Variants in DOT1L observed in about 807,000 individuals in gnomAD.
The protein encoded by DOT1L is histone-lysine N-methyltransferase, H3 lysine-79 specific.
A neutral mutation model predicts 153.3 loss-of-function variants in DOT1L; 33 were observed. The ratio of observed to expected loss-of-function variants is 0.22; its 90% CI spans 0.16 to 0.29. The LOEUF (loss-of-function observed/expected upper bound fraction) is 0.29, where lower values mean the gene tolerates loss of function less well. Ranked by LOEUF, DOT1L falls within the 10% of genes least tolerant of loss-of-function variation. The pLI, the probability that DOT1L is intolerant of heterozygous loss-of-function variation, is 1.00. For missense variants in DOT1L, 1,847 were observed against 2,119.9 expected, an observed-to-expected ratio of 0.87 and a Z score of 2.53; for synonymous variants, 1,135 against 965.1, an observed-to-expected ratio of 1.18 and a Z score of -3.26.
At chr19:2,205,189 T>G (rs1361119527) in intron 9 of DOT1L, among the ~76,000 whole-genome samples, 7 of 152,128 alleles carry the variant, frequency 4.6e-5, no homozygotes. Context: ...GCCAGGATGG[T>G]CTCGATCTCC....
At position 2,197,437 on chromosome 19, in the gene DOT1L, G is replaced by A. The variant is rs116342488; in HGVS notation, c.652-2447G>A. On this transcript the variant is annotated intron_variant, in intron 7 of 27. Transcript: ENST00000398665. This position sits in a 1 kb window ranked among gnomAD's most constrained non-coding sequence, Gnocchi z 4.1. ...GGAGGGCGCCATGGTGCCTTCCTCCGCGCGGTCTGGCTGGGCTGAGCCTTG... is the reference window on the plus strand; with the variant it reads ...GGAGGGCGCCATGGTGCCTTCCTCCACGCGGTCTGGCTGGGCTGAGCCTTG... Among the ~76,000 whole-genome samples the A allele has an allele frequency of 1.0e-3, 154 of 152,322 alleles. No homozygotes were observed. The highest frequency in any genetic ancestry group is 3.3e-3 in the African/African-American group (139 of 41,574).
chr19:2,220,709 T>C lies in DOT1L; in HGVS notation c.2806+487T>C, dbSNP rs1331836427. The C allele has an allele frequency of 2.8e-6, 1 of 362,380 alleles. No individual in the cohort carries two copies. The highest frequency in any genetic ancestry group is 5.5e-6 in the Non-Finnish European group (1 of 181,908). 22.4% of individuals were successfully genotyped at this position (362,380 alleles called of 1,614,324 possible). Reference sequence around the variant, plus strand: ...AGAGAGGATGCCACTTTGGCTTTTGTTGACACTGCAGGCCTGTCTGTTGTG... The same window carrying C: ...AGAGAGGATGCCACTTTGGCTTTTGCTGACACTGCAGGCCTGTCTGTTGTG... On this transcript the variant is annotated intron_variant, in intron 23 of 27. Coordinates refer to ENST00000398665, the MANE Select transcript of DOT1L (RefSeq NM_032482.3). This position sits in a 1 kb window ranked among gnomAD's most constrained non-coding sequence, Gnocchi z 4.5.
intron 27 of DOT1L, chr19:2,228,281 G>A (rs752612802): frequency 2.9e-5 from 39 of 1,356,076 alleles, no homozygotes; most frequent in South Asian, 6.9e-5. Context: ...GGCCGTCCGC[G>A]GTGTGGGTGT....
In DOT1L at chr19:2,230,491, G is replaced by A; in HGVS notation, c.*699G>A. On this transcript the variant is annotated 3_prime_UTR_variant, in exon 28 of 28. Transcript: ENST00000398665. The stretch of plus-strand genomic sequence containing the variant: ...GCAGCTGGCCATGTGCTGCGCGATG[G>A]TGCTGTGAGGACGGCGCGGGCACGT... 2.5e-6 allele frequency: 1 copy of A among 399,032 alleles called. No homozygotes were observed. 24.7% of individuals were successfully genotyped at this position (399,032 alleles called of 1,614,324 possible).
chr19:2,179,905 C>A (rs1354851142), intron 1 of DOT1L, among the ~76,000 whole-genome samples: 3 of 152,116 alleles, frequency 2.0e-5, no homozygotes, highest in Non-Finnish European at 2.9e-5. Flanking sequence ...TTTATATCAG[C>A]ACAGTAGCAC....
chr19:2,206,939 G>A, intron 10 of DOT1L, 142 bp downstream of exon 10: 2 of 847,170 alleles, frequency 2.4e-6, no homozygotes, highest in East Asian at 5.4e-5. Context: ...GGGCAGTGCA[G>A]GGTGCTGAGC....
chr19:2,220,884 AG>A lies in DOT1L; in HGVS notation c.2806+663del. On this transcript the variant is annotated intron_variant, in intron 23 of 27. Coordinates refer to ENST00000398665, the MANE Select transcript of DOT1L (RefSeq NM_032482.3). This position sits in a 1 kb window ranked among gnomAD's most constrained non-coding sequence, Gnocchi z 4.5. ...GGCAGCTACTTTTTTAGGAGTAAAA[AG>A]TAAAATGTGGCCGGGCGTGGTGGCT... is the stretch of plus-strand genomic sequence containing the variant. 3.6e-6 allele frequency: 1 copy of A among 278,786 alleles called. No individual in the cohort carries two copies. Among genetic ancestry groups the A allele is most frequent in the Non-Finnish European group, 7.1e-6 (1 of 140,264 alleles). 17.3% of individuals were successfully genotyped at this position (278,786 alleles called of 1,614,324 possible).
intron 9 of DOT1L, 144 bp from the exon 10 acceptor site, chr19:2,206,585 A>G (rs1047801218): frequency 1.5e-6 from 1 of 651,114 alleles, no homozygotes; most frequent in Non-Finnish European, 2.8e-6. Flanking sequence ...GGTGTTTCCT[A>G]GTGTTGCTTG....
intron 8 of DOT1L, among the ~76,000 whole-genome samples, chr19:2,202,321 A>C (rs1337568576): frequency 6.6e-6 from 1 of 152,206 alleles, no homozygotes; most frequent in East Asian, 1.9e-4. Flanking sequence ...CCCCTGTTGC[A>C]GTCCAGCCCC....
chr19:2,201,851 G>T (rs1390340054), intron 8 of DOT1L, among the ~76,000 whole-genome samples: 1 of 152,244 alleles, frequency 6.6e-6, no homozygotes, highest in Non-Finnish European at 1.5e-5. Context: ...GCCTGCTCTG[G>T]CTCTGGGCAC....
At chr19:2,221,074 G>C (rs1275105952) in intron 23 of DOT1L, 1 of 160,968 alleles carries the variant, frequency 6.2e-6, no homozygotes. Flanking sequence ...CCACTCGAGA[G>C]GCTGAGGCAG....
chr19:2,220,884 A>C lies in DOT1L; in HGVS notation c.2806+662A>C. On this transcript the variant is annotated intron_variant, in intron 23 of 27. Coordinates refer to ENST00000398665, the MANE Select transcript of DOT1L (RefSeq NM_032482.3). The surrounding 1 kb of genome is among the most constrained non-coding windows in gnomAD (Gnocchi z 4.5). ...GGCAGCTACTTTTTTAGGAGTAAAA[A>C]GTAAAATGTGGCCGGGCGTGGTGGC... The C allele has an allele frequency of 3.6e-6, 1 of 278,786 alleles. No individual in the cohort carries two copies. Among genetic ancestry groups the C allele is most frequent in the Non-Finnish European group, 7.1e-6 (1 of 140,264 alleles). 17.3% of individuals were successfully genotyped at this position (278,786 alleles called of 1,614,324 possible).
intron 1 of DOT1L, among the ~76,000 whole-genome samples, chr19:2,176,461 A>T (rs899008611): frequency 1.3e-5 from 2 of 152,208 alleles, no homozygotes; most frequent in South Asian, 4.1e-4. Context: ...CATTTTTAGA[A>T]GTACACTTAC....
intron 27 of DOT1L, chr19:2,228,394 G>A (rs778347593): frequency 2.4e-5 from 30 of 1,265,912 alleles, no homozygotes; most frequent in Non-Finnish European, 3.0e-5. Flanking sequence ...TAAGGCCAGA[G>A]CCCTGCGCGG....
At chr19:2,194,668 C>CACATGGCTGTTGGT in intron 7 of DOT1L, 91 bp downstream of exon 7, 1 of 1,440,830 alleles carries the variant, frequency 6.9e-7, no homozygotes, top group Non-Finnish European at 9.4e-7. Flanking sequence ...CCGATGTTGG[C>CACATGGCTGTTGGT]ACATGGCTGT....
chr19:2,193,952 C>A lies in DOT1L; in HGVS notation c.588+169C>A, dbSNP rs764036801. ...AGCGTGTGCCTGTGAATAGGGTGCCCGATCGCCCTCACGGCCCATTACAGG... is the reference window on the plus strand; with the variant it reads ...AGCGTGTGCCTGTGAATAGGGTGCCAGATCGCCCTCACGGCCCATTACAGG... On this transcript the variant is annotated intron_variant, in intron 6 of 27. Coordinates refer to ENST00000398665, the MANE Select transcript of DOT1L (RefSeq NM_032482.3). This position sits in a 1 kb window ranked among gnomAD's most constrained non-coding sequence, Gnocchi z 5.9. Among the ~76,000 whole-genome samples, 1 of 152,058 alleles carries A rather than the reference C, an allele frequency of 6.6e-6. No individual in the cohort carries two copies. Among genetic ancestry groups the A allele is most frequent in the Non-Finnish European group, 1.5e-5 (1 of 67,980 alleles).
rs941785457 is a variant in DOT1L at position 2,208,017 on chromosome 19, T to G, written c.963+337T>G. Among the ~76,000 whole-genome samples the G allele has an allele frequency of 6.6e-6, 1 of 152,070 alleles. No individual in the cohort carries two copies. The highest frequency in any genetic ancestry group is 1.5e-5 in the Non-Finnish European group (1 of 67,986). On this transcript the variant is annotated intron_variant, in intron 11 of 27. Transcript: ENST00000398665. The surrounding 1 kb of genome is among the most constrained non-coding windows in gnomAD (Gnocchi z 4.4). ...CGCCATATCCAGAGGCCCCTGTGGA[T>G]AGGAGTCCCACGTCCCTGTTCCCAG...
At chr19:2,167,446 A>G (rs1417761298) in intron 1 of DOT1L, among the ~76,000 whole-genome samples, 1 of 152,194 alleles carries the variant, frequency 6.6e-6, no homozygotes, top group Non-Finnish European at 1.5e-5. Context: ...TGTAAATAGT[A>G]AGGGCGAGAG....
In DOT1L at chr19:2,220,193, G is replaced by C. The variant is rs767139100; in HGVS notation, c.2777G>C (p.Gly926Ala). Residue 926 changes from glycine to alanine, a missense_variant, in exon 23 of 28, where the codon GGG becomes GCG. Transcript: ENST00000398665. The surrounding 1 kb of genome is among the most constrained non-coding windows in gnomAD (Gnocchi z 4.5). ...KQIGANAHGA[G>A]SRSLALAPAG... ...ATTGGTGCTAATGCCCACGGTGCTG[G>C]GAGCAGAAGCCTTGCCCTGGCCCCC... 6.2e-7 allele frequency: 1 copy of C among 1,613,644 alleles called. No homozygotes were observed. The highest frequency in any genetic ancestry group is 2.2e-5 in the East Asian group (1 of 44,876).
Sources: gnomAD v4.1 joint callset for allele counts (sites outside exome capture counted in the v4.1 genomes callset) on GRCh38, gnomAD v4.1.1 for gene constraint, Gnocchi (gnomAD v3.1) non-coding constraint, MANE v1.5 for transcripts, NCBI Gene and HGNC (gene_info 2026-07-23, HGNC 2026-07-21) for gene names.